The following ESRRG variants were observed in gnomAD, a reference collection of about 807,000 sequenced individuals.
ESRRG encodes the protein estrogen related receptor gamma.
Under a neutral mutation model 44.0 loss-of-function variants are expected in ESRRG, and 13 were observed. The ratio of observed to expected loss-of-function variants is 0.30; its 90% CI spans 0.19 to 0.47. The LOEUF (loss-of-function observed/expected upper bound fraction) is 0.47. ESRRG is among the 20% of genes least tolerant of loss of function. The pLI is 1.00. For synonymous variants in ESRRG, 215 were observed against 214.6 expected (o/e 1.00, Z -0.02); for missense variants, 395 against 580.6 (o/e 0.68, Z 3.29).
chr1:216,846,249 A>G (rs2095746753), intron 2 of ESRRG, among the ~76,000 whole-genome samples: 2 of 152,066 alleles, frequency 1.3e-5, no homozygotes, highest in African/African-American at 2.4e-5. Context: ...CGTATTCTTG[A>G]TCACCATTTT....
At chr1:216,928,213 A>C (rs922167260) in intron 2 of ESRRG, among the ~76,000 whole-genome samples, 1 of 151,828 alleles carries the variant, frequency 6.6e-6, no homozygotes, top group Non-Finnish European at 1.5e-5. Flanking sequence ...GAATTGATTG[A>C]CTCTTCCTTC....
intron 1 of ESRRG, among the ~76,000 whole-genome samples, chr1:217,105,465 G>A (rs929569371): frequency 1.5e-4 from 23 of 152,224 alleles, no homozygotes; most frequent in African/African-American, 5.3e-4. Flanking sequence ...GATTTGGATC[G>A]AGCTGTTCAT....
chr1:217,010,523 C>A (rs1054967138), intron 1 of ESRRG, among the ~76,000 whole-genome samples: 2 of 152,076 alleles, frequency 1.3e-5, no homozygotes, highest in African/African-American at 4.8e-5. Flanking sequence ...TTGTGATTTG[C>A]GGGTGTATTT....
chr1:216,625,793 G>A (rs1269624310), intron 3 of ESRRG, among the ~76,000 whole-genome samples: 1 of 152,152 alleles, frequency 6.6e-6, no homozygotes, highest in Non-Finnish European at 1.5e-5. Flanking sequence ...GTGCTTAGAG[G>A]TGGACATGGC....
chr1:216,607,120 T>G (rs1434546190), intron 3 of ESRRG, among the ~76,000 whole-genome samples: 3 of 152,218 alleles, frequency 2.0e-5, no homozygotes, highest in African/African-American at 7.2e-5. Context: ...CATAAAATCA[T>G]GTTACCTAGA....
chr1:217,031,518 T>C (rs7538474), intron 1 of ESRRG, among the ~76,000 whole-genome samples: 90,568 of 152,130 alleles, frequency 0.6, 27,047 homozygotes, highest in East Asian at 0.71. Flanking sequence ...GAGAAAATGG[T>C]TTAGCATGAA....
At chr1:217,073,287 A>AG (rs2090848088) in intron 1 of ESRRG, among the ~76,000 whole-genome samples, 2 of 151,412 alleles carry the variant, frequency 1.3e-5, no homozygotes, top group Non-Finnish European at 2.9e-5. Flanking sequence ...AACTGTAGGC[A>AG]AAATCCATCT....
At chr1:216,937,091 C>G (rs542228160) in intron 2 of ESRRG, among the ~76,000 whole-genome samples, 5 of 151,248 alleles carry the variant, frequency 3.3e-5, no homozygotes, top group Non-Finnish European at 7.4e-5. Context: ...AGATATTTTT[C>G]AAGTACTCTG....
chr1:216,581,188 A>C (rs1425974141), intron 3 of ESRRG, among the ~76,000 whole-genome samples: 2 of 152,236 alleles, frequency 1.3e-5, no homozygotes, highest in Non-Finnish European at 2.9e-5. Context: ...TAATGTCTTA[A>C]AAATCAAAAG....
intron 1 of ESRRG, among the ~76,000 whole-genome samples, chr1:217,016,892 G>T (rs950071046): frequency 6.6e-6 from 1 of 152,054 alleles, no homozygotes; most frequent in Non-Finnish European, 1.5e-5. Flanking sequence ...CTAGGCATAC[G>T]TCCATACAGT....
chr1:216,904,433 G>GA (rs2059453163), intron 2 of ESRRG, among the ~76,000 whole-genome samples: 2 of 152,302 alleles, frequency 1.3e-5, no homozygotes, highest in South Asian at 4.1e-4. Context: ...TGTAGTGTGA[G>GA]ATTGCTAAAA....
chr1:216,919,674 T>C (rs2061593523), intron 2 of ESRRG, among the ~76,000 whole-genome samples: 1 of 152,200 alleles, frequency 6.6e-6, no homozygotes, highest in Non-Finnish European at 1.5e-5. Context: ...AAAACTTGCA[T>C]TGCATATCCG....
rs749276510 is a variant in ESRRG at position 216,609,050 on chromosome 1, A to G, written c.590-40952T>C. Among the ~76,000 whole-genome samples the G allele has an allele frequency of 6.6e-5, 10 of 152,178 alleles. No homozygotes were observed. The East Asian group carries it at 9.6e-4, about 15-fold the overall frequency. On this transcript the variant is annotated intron_variant, in intron 3 of 6. Coordinates refer to ENST00000408911, the MANE Select transcript of ESRRG (RefSeq NM_001438.4). ...TCTCTTTTGTACTCTACAATCTCCA[A>G]TGAAAACTAACACTTGGTAATGAAT...
At chr1:216,958,761 T>C (rs1018241482) in intron 1 of ESRRG, among the ~76,000 whole-genome samples, 1 of 152,086 alleles carries the variant, frequency 6.6e-6, no homozygotes, top group Non-Finnish European at 1.5e-5. Flanking sequence ...TGATCTCATC[T>C]CCTAGTACTG....
chr1:216,612,070 C>T (rs1461854125), intron 3 of ESRRG, among the ~76,000 whole-genome samples: 2 of 152,044 alleles, frequency 1.3e-5, no homozygotes, highest in African/African-American at 2.4e-5. Context: ...GTAAAAAAGA[C>T]AGGTCAGGCA....
At chr1:216,531,676 A>G (rs1219816218) in intron 5 of ESRRG, among the ~76,000 whole-genome samples, 1 of 152,122 alleles carries the variant, frequency 6.6e-6, no homozygotes, top group African/African-American at 2.4e-5. Context: ...TATATTTACT[A>G]TGGATATATG....
At chr1:216,965,170 T>TG (rs2070021588) in intron 1 of ESRRG, among the ~76,000 whole-genome samples, 1 of 151,760 alleles carries the variant, frequency 6.6e-6, no homozygotes, top group Non-Finnish European at 1.5e-5. Flanking sequence ...CTTTTTTTTT[T>TG]TCCTACTTCT....
At chr1:217,051,204 CGG>C (rs1164233806) in intron 1 of ESRRG, among the ~76,000 whole-genome samples, 7 of 33,576 alleles carry the variant, frequency 2.1e-4, no homozygotes, top group Admixed American at 6.0e-4. Flanking sequence ...ATAATGGGGG[CGG>C]GGGGGGGGGG....
chr1:216,509,944 A>G (rs552505529), intron 6 of ESRRG, among the ~76,000 whole-genome samples: 6 of 152,336 alleles, frequency 3.9e-5, no homozygotes, highest in African/African-American at 1.4e-4. Context: ...CGTTGACACC[A>G]GGCTCAATAG....
Sources: allele counts gnomAD v4.1 joint callset (sites outside exome capture counted in the v4.1 genomes callset), GRCh38; gene constraint gnomAD v4.1.1; transcripts MANE v1.5; gene names NCBI Gene and HGNC (gene_info 2026-07-23, HGNC 2026-07-21).